The following CHST9 variants were observed in gnomAD, a reference collection of about 807,000 sequenced individuals.
CHST9 encodes GalNAc-4-sulfotransferase 2.
In CHST9, 41 loss-of-function variants were observed where a neutral mutation model predicts 44.4. The ratio of observed to expected loss-of-function variants is 0.92; its 90% CI spans 0.72 to 1.20. The LOEUF (loss-of-function observed/expected upper bound fraction) is 1.20, where lower values mean the gene tolerates loss of function less well. Ranked by LOEUF, CHST9 falls within the 50% of genes most tolerant of loss-of-function variation. The probability of loss-of-function intolerance (pLI) is 0.00; values close to 1 mark genes in which losing one functional copy is unlikely to be tolerated. For missense variants in CHST9, 504 were observed against 516.5 expected (o/e 0.98, Z 0.23); for synonymous variants, 171 against 178.4 (o/e 0.96, Z 0.33).
At chr18:27,135,022 G>A (rs1213448310) in intron 2 of CHST9, among the ~76,000 whole-genome samples, 11 of 152,110 alleles carry the variant, frequency 7.2e-5, no homozygotes, top group Admixed American at 7.2e-4. Context: ...TTTTCAAATT[G>A]CTAAGAGAGG....
chr18:27,144,051 G>A (rs533213702), intron 1 of CHST9, among the ~76,000 whole-genome samples: 3 of 152,324 alleles, frequency 2.0e-5, no homozygotes, highest in South Asian at 2.1e-4. Flanking sequence ...GCCGTGTGGT[G>A]AGCTCACCTA....
chr18:27,103,566 G>A (rs958712768), intron 2 of CHST9, among the ~76,000 whole-genome samples: 4 of 152,332 alleles, frequency 2.6e-5, no homozygotes, highest in African/African-American at 4.8e-5. Context: ...GATGGTGACC[G>A]CAAGAGTATG....
intron 2 of CHST9, among the ~76,000 whole-genome samples, chr18:27,056,813 A>G (rs2057661884): frequency 1.3e-5 from 2 of 152,210 alleles, no homozygotes; most frequent in African/African-American, 4.8e-5. Flanking sequence ...TGATATGTTT[A>G]CATCACCTCC....
At chr18:27,143,302 G>C (rs1025890630) in intron 1 of CHST9, among the ~76,000 whole-genome samples, 1 of 152,096 alleles carries the variant, frequency 6.6e-6, no homozygotes, top group Admixed American at 6.5e-5. Flanking sequence ...ATCACCTCCT[G>C]TCTTAAGAAT....
At chr18:27,113,889 T>A (rs914319605) in intron 2 of CHST9, among the ~76,000 whole-genome samples, 1 of 152,220 alleles carries the variant, frequency 6.6e-6, no homozygotes, top group African/African-American at 2.4e-5. Context: ...CTATATCAAA[T>A]GGTGAATTTG....
At chr18:27,104,962 G>C (rs964089068) in intron 2 of CHST9, among the ~76,000 whole-genome samples, 1 of 152,102 alleles carries the variant, frequency 6.6e-6, no homozygotes, top group Non-Finnish European at 1.5e-5. Context: ...GCAAATACTA[G>C]TCACTTTAAG....
intron 2 of CHST9, among the ~76,000 whole-genome samples, chr18:27,060,999 G>A (rs911732459): frequency 3.3e-5 from 5 of 152,216 alleles, no homozygotes; most frequent in Non-Finnish European, 7.3e-5. Context: ...ACGCATGGGA[G>A]AAACCATCTC....
At position 26,911,882 on chromosome 18, in the gene CHST9, A is replaced by C. The variant is rs1348259292; in HGVS notation, c.*4377T>G. The C allele has an allele frequency of 6.6e-6, 1 of 152,122 alleles. No homozygotes were observed. Among genetic ancestry groups the C allele is most frequent in the East Asian group, 1.9e-4 (1 of 5,190 alleles). The allele number at this position is 152,122 out of a possible 1,614,324, so 9.4% of individuals were successfully genotyped here. ...TTCATGGTGTTTTTTCAGTCGGTTT[A>C]AGTCAGCTTGCTCCTCTATTCTTTT... On this transcript the variant is annotated 3_prime_UTR_variant, in exon 6 of 6. Transcript: ENST00000618847.
chr18:26,909,797 A>C lies in CHST9; in HGVS notation c.*6462T>G, dbSNP rs1001541135. The C allele has an allele frequency of 3.9e-5, 6 of 152,644 alleles. No individual in the cohort carries two copies. The highest frequency in any genetic ancestry group is 8.8e-5 in the Non-Finnish European group (6 of 68,356). The allele number at this position is 152,644 out of a possible 1,614,324, so 9.5% of individuals were successfully genotyped here. On this transcript the variant is annotated 3_prime_UTR_variant, in exon 6 of 6. Transcript: ENST00000618847. ...GAGGAGTAGGAGGAGGAGGAGGAAG[A>C]GGAGGGAAGAGGAGGAGGAGGAGGT... is the stretch of plus-strand genomic sequence containing the variant.
At chr18:27,122,111 T>C (rs1285059506) in intron 2 of CHST9, among the ~76,000 whole-genome samples, 1 of 152,196 alleles carries the variant, frequency 6.6e-6, no homozygotes, top group Non-Finnish European at 1.5e-5. Flanking sequence ...ATAACTGCTT[T>C]AGCAATCTTT....
At chr18:27,106,285 G>C (rs1340156862) in intron 2 of CHST9, among the ~76,000 whole-genome samples, 1 of 152,134 alleles carries the variant, frequency 6.6e-6, no homozygotes, top group East Asian at 1.9e-4. Context: ...CTAATTCTAA[G>C]AGTAAAATTA....
At chr18:27,053,407 T>C (rs9284429) in intron 2 of CHST9, among the ~76,000 whole-genome samples, 111,508 of 144,130 alleles carry the variant, frequency 0.77, 43,492 homozygotes, top group African/African-American at 0.79. Flanking sequence ...GGCACCCAAA[T>C]ATAAAACCTA....
intron 5 of CHST9, among the ~76,000 whole-genome samples, chr18:26,927,512 C>A (rs1159981315): frequency 6.6e-6 from 1 of 151,928 alleles, no homozygotes; most frequent in African/African-American, 2.4e-5. Context: ...GGGAGAGGGT[C>A]AGCAGGAAAA....
At chr18:27,089,179 T>G (rs1005459442) in intron 2 of CHST9, among the ~76,000 whole-genome samples, 1 of 152,150 alleles carries the variant, frequency 6.6e-6, no homozygotes, top group Non-Finnish European at 1.5e-5. Flanking sequence ...CTAGCGTACA[T>G]GTGCACAACG....
At chr18:27,142,954 T>C in intron 1 of CHST9, 49 bp from the exon 2 acceptor site, 1 of 682,432 alleles carries the variant, frequency 1.5e-6, no homozygotes, top group Non-Finnish European at 2.3e-6. Context: ...CTAATATTAA[T>C]TCTCAAATAC....
At chr18:27,105,217 T>C (rs2058210709) in intron 2 of CHST9, among the ~76,000 whole-genome samples, 2 of 152,150 alleles carry the variant, frequency 1.3e-5, no homozygotes, top group African/African-American at 4.8e-5. Flanking sequence ...TCATCAAAGT[T>C]TGCATAATAA....
At chr18:27,056,893 C>T (rs1244964215) in intron 2 of CHST9, among the ~76,000 whole-genome samples, 1 of 152,226 alleles carries the variant, frequency 6.6e-6, no homozygotes, top group Non-Finnish European at 1.5e-5. Context: ...TTTCTCTCAT[C>T]CTCATGTCCT....
chr18:26,985,597 G>C (rs1332944893), intron 4 of CHST9, among the ~76,000 whole-genome samples: 2 of 152,194 alleles, frequency 1.3e-5, no homozygotes, highest in Non-Finnish European at 2.9e-5. Flanking sequence ...AAGGTGTCTA[G>C]AGTTCTCAAG....
chr18:26,922,234 TCTC>T (rs1002345332), intron 5 of CHST9, among the ~76,000 whole-genome samples: 12 of 152,110 alleles, frequency 7.9e-5, no homozygotes, highest in African/African-American at 2.4e-4. Flanking sequence ...CAACTCATGG[TCTC>T]CTCCTTTCTT....
Sources: allele counts gnomAD v4.1 joint callset (sites outside exome capture counted in the v4.1 genomes callset), GRCh38; gene constraint gnomAD v4.1.1; transcripts MANE v1.5; gene names NCBI Gene and HGNC (gene_info 2026-07-23, HGNC 2026-07-21).